The following MRAP variants were observed in gnomAD, a reference collection of about 807,000 sequenced individuals.
The protein encoded by MRAP is melanocortin 2 receptor accessory protein.
A neutral mutation model predicts 8.7 loss-of-function variants in MRAP; 8 were observed. That is an observed-to-expected ratio of 0.92 (90% CI 0.54 to 1.66). MRAP has a LOEUF of 1.66. Among genes scored for constraint, MRAP ranks in the 40% most tolerant of loss-of-function variants. The pLI, the probability that MRAP is intolerant of heterozygous loss-of-function variation, is 0.00. For missense variants in MRAP, 237 were observed against 217.1 expected (o/e 1.09, Z -0.58); for synonymous variants, 95 against 95.5 (o/e 1.00, Z 0.03).
rs901467665 is a variant in MRAP at position 32,311,575 on chromosome 21, C to G, written c.207-109C>G. 9 of 1,489,472 alleles carry G rather than the reference C, an allele frequency of 6.0e-6. No individual in the cohort carries two copies. The African/African-American group carries it at 9.8e-5, about 16-fold the overall frequency. 92.3% of individuals were successfully genotyped at this position (1,489,472 alleles called of 1,614,324 possible). On this transcript the variant is annotated intron_variant, in intron 2 of 2. Coordinates refer to ENST00000303645, the MANE Select transcript of MRAP (RefSeq NM_001379228.1). ...CAGGAATTTGCCTGTGTGGCCTTCC[C>G]TATGGGGTCCGGGCAGATGGCAGGT...
At chr21:32,307,165 G>A (rs1303839360) in intron 2 of MRAP, among the ~76,000 whole-genome samples, 1 of 152,176 alleles carries the variant, frequency 6.6e-6, no homozygotes, top group Non-Finnish European at 1.5e-5. Flanking sequence ...AACATCCAGA[G>A]TAGGCAAATC....
upstream of MRAP, among the ~76,000 whole-genome samples, chr21:32,295,730 C>A (rs1160283521): frequency 6.6e-6 from 1 of 152,170 alleles, no homozygotes; most frequent in African/African-American, 2.4e-5. Flanking sequence ...AATCCCAGCA[C>A]TTTGAGAGGC....
At chr21:32,300,753 G>GTCCTATGTCAGGGGCGTCATGCC (rs2032264547) in intron 1 of MRAP, among the ~76,000 whole-genome samples, 1 of 124,520 alleles carries the variant, frequency 8.0e-6, no homozygotes, top group South Asian at 2.7e-4. Context: ...TGTGTCGTGC[G>GTCCTATGTCAGGGGCGTCATGCC]TCCTATGTCA....
intron 1 of MRAP, among the ~76,000 whole-genome samples, chr21:32,304,345 G>A (rs994969587): frequency 6.6e-5 from 10 of 152,232 alleles, no homozygotes; most frequent in South Asian, 2.1e-4. Context: ...GGCTGGGTGC[G>A]GTGACTCACG....
chr21:32,299,691 C>A (rs1024451410), intron 1 of MRAP, among the ~76,000 whole-genome samples: 1 of 152,106 alleles, frequency 6.6e-6, no homozygotes, highest in Non-Finnish European at 1.5e-5. Context: ...ATAAGCTGAG[C>A]GAGTTTCCTC....
rs751870972 is a variant in MRAP at position 32,311,936 on chromosome 21, C to A, written c.459C>A (p.Leu153=). The A allele has an allele frequency of 6.2e-7, 1 of 1,613,550 alleles. No individual in the cohort carries two copies. Among genetic ancestry groups the A allele is most frequent in the Non-Finnish European group, 8.5e-7 (1 of 1,180,042 alleles). ...AACTGACCCTCAATGGGGGTCCCCTCGTCAGGAGCAAGCCCAGCGAGCCTC... is the reference window on the plus strand; with the variant it reads ...AACTGACCCTCAATGGGGGTCCCCTAGTCAGGAGCAAGCCCAGCGAGCCTC... ...LWELTLNGGP[L]VRSKPSEPPP... Residue 153 remains leucine, a synonymous_variant, in exon 3 of 3, where the codon CTC becomes CTA. Coordinates refer to ENST00000303645, the MANE Select transcript of MRAP (RefSeq NM_001379228.1).
upstream of MRAP, among the ~76,000 whole-genome samples, chr21:32,295,906 G>GAT: frequency 1.3e-5 from 2 of 152,168 alleles, no homozygotes; most frequent in Non-Finnish European, 2.9e-5. Flanking sequence ...AACTCAGGAG[G>GAT]CAGAGGTTGG....
rs763894256 is a variant in MRAP at position 32,299,180 on chromosome 21, G to C, written c.106+103G>C. 314 of 827,244 alleles carry C rather than the reference G, an allele frequency of 3.8e-4. 1 individual carries two copies. Among genetic ancestry groups the C allele is most frequent in the Middle Eastern group, 8.2e-4 (3 of 3,666 alleles). The allele number at this position is 827,244 out of a possible 1,614,324, so 51.2% of individuals were successfully genotyped here. A position where few individuals can be genotyped will look rare whatever the true frequency, so the allele number is the denominator to read the frequency against. On this transcript the variant is annotated intron_variant, in intron 1 of 2. Coordinates refer to ENST00000303645, the MANE Select transcript of MRAP (RefSeq NM_001379228.1). ...CTGCATTCACTTATTAACTCCGGTA[G>C]ACATCATGGGAAAGCAGGAATGTGG...
chr21:32,313,238 G>A (rs2032622147), downstream of MRAP: 1 of 152,290 alleles, frequency 6.6e-6, no homozygotes, highest in South Asian at 2.1e-4. Context: ...TGTGCCCCCA[G>A]AGGCATGGGG....
intron 2 of MRAP, among the ~76,000 whole-genome samples, chr21:32,307,238 G>T (rs1601105820): frequency 6.6e-6 from 1 of 152,076 alleles, no homozygotes; most frequent in Admixed American, 6.6e-5. Context: ...AGCGGGGAAG[G>T]GGGAATGACT....
chr21:32,305,796 CACAG>C (rs1168986059), intron 1 of MRAP, among the ~76,000 whole-genome samples: 2 of 150,644 alleles, frequency 1.3e-5, no homozygotes, highest in Non-Finnish European at 2.9e-5. Context: ...TGCCCACAGC[CACAG>C]ACAACCACCA....
chr21:32,301,054 TATC>T (rs778765437), intron 1 of MRAP, among the ~76,000 whole-genome samples: 19 of 151,884 alleles, frequency 1.3e-4, no homozygotes, highest in Admixed American at 3.9e-4. Context: ...ATATGATATA[TATC>T]ATATCATATA....
chr21:32,298,202 C>T (rs1268660146), upstream of MRAP, among the ~76,000 whole-genome samples: 1 of 152,156 alleles, frequency 6.6e-6, no homozygotes, highest in Non-Finnish European at 1.5e-5. Context: ...GAATCTGCGT[C>T]ACGTGTGGTA....
At chr21:32,293,587 G>T (rs58718746) in intron 2 of MRAP, among the ~76,000 whole-genome samples, 1 of 152,032 alleles carries the variant, frequency 6.6e-6, no homozygotes, top group Admixed American at 6.6e-5. Flanking sequence ...CCAGGTCATC[G>T]TTCAATAAAC....
chr21:32,304,345 G>T (rs994969587), intron 1 of MRAP, among the ~76,000 whole-genome samples: 1 of 152,114 alleles, frequency 6.6e-6, no homozygotes, highest in African/African-American at 2.4e-5. Flanking sequence ...GGCTGGGTGC[G>T]GTGACTCACG....
chr21:32,306,424 C>T (rs2032418193), intron 1 of MRAP: 2 of 609,532 alleles, frequency 3.3e-6, no homozygotes, highest in African/African-American at 3.6e-5. Context: ...GACCCCGTGG[C>T]CAGCTGCCCT....
intron 1 of MRAP, among the ~76,000 whole-genome samples, chr21:32,304,784 A>G (rs1031099120): frequency 6.6e-5 from 10 of 152,022 alleles, no homozygotes; most frequent in Admixed American, 5.9e-4. Flanking sequence ...TCAGTTTCTC[A>G]GCTCGGAGAC....
At chr21:32,292,641 G>C (rs962428326) in intron 1 of MRAP, among the ~76,000 whole-genome samples, 1 of 151,910 alleles carries the variant, frequency 6.6e-6, no homozygotes, top group African/African-American at 2.4e-5. Flanking sequence ...ATTTTTAGTA[G>C]AGACAGGGTT....
intron 1 of MRAP, among the ~76,000 whole-genome samples, chr21:32,306,082 G>A (rs890021889): frequency 6.6e-6 from 1 of 152,142 alleles, no homozygotes; most frequent in Admixed American, 6.5e-5. Flanking sequence ...TTTCCACCTT[G>A]CCGATCCAGG....
Sources: gnomAD v4.1 joint callset for allele counts (sites outside exome capture counted in the v4.1 genomes callset) on GRCh38, gnomAD v4.1.1 for gene constraint, MANE v1.5 for transcripts, NCBI Gene and HGNC (gene_info 2026-07-23, HGNC 2026-07-21) for gene names.